USP34: variants seen among roughly 807,000 people sequenced by gnomAD.
USP34 encodes ubiquitin carboxyl-terminal hydrolase 34.
A neutral mutation model predicts 460.3 loss-of-function variants in USP34; 70 were observed. The observed-to-expected ratio is 0.15, with a 90% CI of 0.13 to 0.19. USP34 has a LOEUF of 0.19. USP34 is among the 10% of genes least tolerant of loss of function. The pLI is 1.00. For synonymous variants in USP34, 1,647 were observed against 1,405.3 expected, an observed-to-expected ratio of 1.17 and a Z score of -3.85; for missense variants, 3,985 against 4,236.2, an observed-to-expected ratio of 0.94 and a Z score of 1.65.
At chr2:61,453,128 A>G (rs146172212) in intron 1 of USP34, among the ~76,000 whole-genome samples, 1 of 152,140 alleles carries the variant, frequency 6.6e-6, no homozygotes, top group East Asian at 1.9e-4. Context: ...AATTACATCT[A>G]GGCTGGGCAC....
At chr2:61,237,933 G>A (rs1688118541) in intron 53 of USP34, among the ~76,000 whole-genome samples, 1 of 151,102 alleles carries the variant, frequency 6.6e-6, no homozygotes, top group Non-Finnish European at 1.5e-5. Context: ...TTTCGTTCTT[G>A]TTGCCCAGGC....
At chr2:61,282,246 C>T (rs949335252) in intron 37 of USP34, among the ~76,000 whole-genome samples, 2 of 152,128 alleles carry the variant, frequency 1.3e-5, no homozygotes, top group African/African-American at 4.8e-5. Context: ...CCACCTCGGC[C>T]TGTGATTACA....
intron 5 of USP34, among the ~76,000 whole-genome samples, chr2:61,385,756 G>A (rs1693122080): frequency 6.6e-6 from 1 of 151,372 alleles, no homozygotes. Context: ...CACTTCAGGA[G>A]GCCGAGGTGG....
chr2:61,387,135 A>G (rs1294125108), intron 5 of USP34, among the ~76,000 whole-genome samples: 2 of 152,156 alleles, frequency 1.3e-5, no homozygotes, highest in Non-Finnish European at 2.9e-5. Flanking sequence ...TAATATGCCT[A>G]TGAAAAGGTG....
chr2:61,406,285 T>C (rs1042630954), intron 2 of USP34, among the ~76,000 whole-genome samples, 157 bp from the exon 3 acceptor site: 2 of 152,154 alleles, frequency 1.3e-5, no homozygotes, highest in African/African-American at 4.8e-5. Context: ...AAAGATAGCA[T>C]CGCAACAACA....
Position 61,300,958 on chromosome 2 carries a change from T to A in USP34, c.4121A>T (p.Asp1374Val). ...AAAATGAAACATAGTCACCTCACTA[T>A]CATCCACTGCCACTTTTCCTGAGGG... ...KPPSGKVAVD[D>V]SESLRCEELH... The change falls in exon 29 of 80, where the codon GAT becomes GTT. Residue 1374 changes from aspartate (D) to valine (V), a missense_variant. By Grantham distance (152) the Asp-to-Val change is radical (BLOSUM62 -3). This residue lies in a region of USP34 where 1,114 missense variants were observed against 1,122.5 expected (regional missense o/e 0.99). Transcript: ENST00000398571. 6.2e-7 allele frequency: 1 copy of A among 1,610,128 alleles called. No homozygotes were observed.
At chr2:61,447,083 T>C (rs1215251416) in intron 1 of USP34, among the ~76,000 whole-genome samples, 2 of 151,672 alleles carry the variant, frequency 1.3e-5, no homozygotes, top group Non-Finnish European at 2.9e-5. Context: ...GGTGAAACAC[T>C]GTCTCTACTA....
Position 61,405,832 on chromosome 2 carries a change from G to C in USP34, c.428C>G (p.Ser143Cys), listed in dbSNP as rs1693854815. ...TGTACTCCATAAACTAAAAGGATCA[G>C]AACTCTTTGAAGATTCCTCCTCAGT... ...NLTEEESSKSSDPFSLWSTDE... is the reference protein window; with the variant it reads ...NLTEEESSKSCDPFSLWSTDE... Residue 143 changes from serine (S) to cysteine (C), a missense_variant, in exon 3 of 80, where the codon TCT becomes TGT. Ser to Cys is a moderately radical substitution (Grantham distance 112). Around this residue, in one of 14 missense-constraint regions of USP34, gnomAD observed 331 missense variants for 293.7 expected, o/e 1.13. Coordinates refer to ENST00000398571, the MANE Select transcript of USP34 (RefSeq NM_014709.4). The C allele has an allele frequency of 6.2e-7, 1 of 1,613,766 alleles. No individual in the cohort carries two copies. The highest frequency in any genetic ancestry group is 1.7e-4 in the Middle Eastern group (1 of 6,058).
chr2:61,278,084 T>C (rs1374120132), intron 41 of USP34, 81 bp downstream of exon 41: 4 of 1,536,638 alleles, frequency 2.6e-6, no homozygotes, highest in Admixed American at 3.7e-5. Flanking sequence ...ATGAGCAGTG[T>C]AAAAACGGAC....
At chr2:61,257,790 C>A (rs866318363) in intron 44 of USP34, among the ~76,000 whole-genome samples, 11 of 152,038 alleles carry the variant, frequency 7.2e-5, no homozygotes, top group Admixed American at 2.0e-4. Context: ...GCCTGTAGTC[C>A]CAGCTACTCA....
At chr2:61,263,215 T>G (rs2103912113) in intron 43 of USP34, among the ~76,000 whole-genome samples, 1 of 142,612 alleles carries the variant, frequency 7.0e-6, no homozygotes, top group African/African-American at 2.6e-5. Flanking sequence ...AGTCTCGCTC[T>G]TGTCCCCAAA....
chr2:61,217,049 C>G (rs1226228870), intron 67 of USP34, among the ~76,000 whole-genome samples: 1 of 151,892 alleles, frequency 6.6e-6, no homozygotes, highest in Non-Finnish European at 1.5e-5. Context: ...CACCGAGATT[C>G]TACAATTAAC....
chr2:61,291,565 G>C (rs762614721), intron 33 of USP34, among the ~76,000 whole-genome samples: 2 of 152,136 alleles, frequency 1.3e-5, no homozygotes, highest in Admixed American at 6.6e-5. Flanking sequence ...TTTCACCAAA[G>C]ATTTATGAAT....
chr2:61,395,883 T>C (rs930070661), intron 3 of USP34, among the ~76,000 whole-genome samples: 2 of 149,372 alleles, frequency 1.3e-5, no homozygotes, highest in East Asian at 3.9e-4. Flanking sequence ...CTGACCAACA[T>C]GGTAAAACCT....
In USP34 at chr2:61,257,359, A is replaced by T; in HGVS notation, c.5845-9T>A. On this transcript the variant is annotated splice_polypyrimidine_tract_variant and intron_variant, in intron 44 of 79. Transcript: ENST00000398571. ...GCTTTGCATTCACTCTCCTGCAAAT[A>T]AAAAGGGGAACATTCTAAGTGTCAG... 1 of 1,560,354 alleles carries T rather than the reference A, an allele frequency of 6.4e-7. No individual in the cohort carries two copies. Among genetic ancestry groups the T allele is most frequent in the Non-Finnish European group, 8.6e-7 (1 of 1,157,328 alleles).
chr2:61,201,728 G>T (rs183066312), intron 75 of USP34, among the ~76,000 whole-genome samples: 10 of 152,180 alleles, frequency 6.6e-5, no homozygotes, highest in Admixed American at 5.2e-4. Flanking sequence ...CCCAAAACAG[G>T]GTAGAACATT....
At chr2:61,323,848 G>T (rs565589656) in intron 21 of USP34, among the ~76,000 whole-genome samples, 6 of 151,928 alleles carry the variant, frequency 3.9e-5, no homozygotes, top group African/African-American at 1.5e-4. Flanking sequence ...AGTCATAATG[G>T]GTCAATAAAT....
At chr2:61,299,465 T>C (rs1690151329) in intron 29 of USP34, among the ~76,000 whole-genome samples, 1 of 152,146 alleles carries the variant, frequency 6.6e-6, no homozygotes, top group Non-Finnish European at 1.5e-5. Context: ...CTGAATGCCA[T>C]CTTCAGGCTG....
At chr2:61,293,420 G>C in intron 33 of USP34, 44 bp downstream of exon 33, 1 of 1,460,412 alleles carries the variant, frequency 6.8e-7, no homozygotes, top group Non-Finnish European at 9.5e-7. Context: ...TATTTCAAAT[G>C]GGATAACTAC....
Sources: gnomAD v4.1 joint callset for allele counts (sites outside exome capture counted in the v4.1 genomes callset) on GRCh38, gnomAD v4.1.1 for gene constraint, gnomAD v4.1.1 regional missense constraint, MANE v1.5 for transcripts, NCBI Gene and HGNC (gene_info 2026-07-23, HGNC 2026-07-21) for gene names.